RBFOX1: variants seen among roughly 807,000 people sequenced by gnomAD.
RBFOX1 encodes RNA binding protein fox-1 homolog 1.
In RBFOX1, 8 loss-of-function variants were observed where a neutral mutation model predicts 57.7. The observed-to-expected ratio is 0.14, with a 90% CI of 0.08 to 0.25. The LOEUF is 0.25. Ranked by LOEUF, RBFOX1 falls within the 10% of genes least tolerant of loss-of-function variation. RBFOX1 has a pLI of 1.00. For synonymous variants in RBFOX1, 326 were observed against 222.4 expected (o/e 1.47, Z -4.15); for missense variants, 611 against 548.5 (o/e 1.11, Z -1.14).
chr16:7,341,664 C>A (rs2096893306), intron 4 of RBFOX1, among the ~76,000 whole-genome samples: 1 of 151,910 alleles, frequency 6.6e-6, no homozygotes, highest in Non-Finnish European at 1.5e-5. Context: ...TGACAGAGTT[C>A]CTGCTACATT....
intron 4 of RBFOX1, among the ~76,000 whole-genome samples, chr16:6,010,651 A>G (rs537527504): frequency 1.3e-5 from 2 of 152,360 alleles, no homozygotes; most frequent in East Asian, 1.9e-4. Context: ...GCAATGGTGT[A>G]GAAGAACCCT....
At chr16:7,319,319 A>G (rs1261034550) in intron 4 of RBFOX1, among the ~76,000 whole-genome samples, 1 of 152,234 alleles carries the variant, frequency 6.6e-6, no homozygotes, top group Non-Finnish European at 1.5e-5. Context: ...GAATGCTGAC[A>G]TGTTGAGTCC....
At chr16:6,300,795 A>G (rs953581976) in intron 1 of RBFOX1, among the ~76,000 whole-genome samples, 2 of 151,440 alleles carry the variant, frequency 1.3e-5, no homozygotes, top group Non-Finnish European at 2.9e-5. Context: ...CTCCACCACC[A>G]CCTCCCAAGT....
At chr16:5,288,313 A>G (rs368737294) in intron 1 of RBFOX1, among the ~76,000 whole-genome samples, 140 of 152,258 alleles carry the variant, frequency 9.2e-4, no homozygotes, top group Non-Finnish European at 1.1e-3. Context: ...GCTGCTGTTC[A>G]ATTCCTTTGC....
At chr16:5,476,242 A>G (rs139556066) in intron 2 of RBFOX1, among the ~76,000 whole-genome samples, 1 of 152,334 alleles carries the variant, frequency 6.6e-6, no homozygotes, top group African/African-American at 2.4e-5. Context: ...ATCGCAAAAC[A>G]TCATGTCATA....
rs188114380 is a variant in RBFOX1, at chr16:5,412,859, G to C, written c.220-54357G>C. Among the ~76,000 whole-genome samples, 13 of 152,318 alleles carry C rather than the reference G, an allele frequency of 8.5e-5. No individual in the cohort carries two copies. In the East Asian group the frequency reaches 2.5e-3, roughly 29 times the overall value. On this transcript the variant is annotated intron_variant, in intron 1 of 2. Transcript: ENST00000585867. ...TTTTTGGGAAGGATCCAGGAGTCCT[G>C]AGCAGACAACTGTGAGCAAATGCTG...
At chr16:6,385,062 C>A (rs2092149332) in intron 2 of RBFOX1, among the ~76,000 whole-genome samples, 1 of 152,162 alleles carries the variant, frequency 6.6e-6, no homozygotes, top group Non-Finnish European at 1.5e-5. Context: ...AAAGTTTGGT[C>A]TTCCAAAGCT....
chr16:5,990,733 T>C (rs1271972299), intron 4 of RBFOX1, among the ~76,000 whole-genome samples: 1 of 152,180 alleles, frequency 6.6e-6, no homozygotes. Flanking sequence ...TTCAGAAGGC[T>C]GAGGCGGGCA....
chr16:6,819,189 C>T (rs1206040445), intron 3 of RBFOX1, among the ~76,000 whole-genome samples: 5 of 152,148 alleles, frequency 3.3e-5, no homozygotes, highest in Admixed American at 2.6e-4. Context: ...AGTGTCCTAA[C>T]ATTCTGTTTA....
chr16:7,555,727 G>T (rs933801610), intron 5 of RBFOX1, among the ~76,000 whole-genome samples: 2 of 152,018 alleles, frequency 1.3e-5, no homozygotes, highest in Non-Finnish European at 2.9e-5. Context: ...GGCTATTATT[G>T]CCTGAGCTCT....
rs147911916 is a variant in RBFOX1 at position 5,775,862 on chromosome 16, T to C, written c.319-91441T>C. Among the ~76,000 whole-genome samples, 656 of 152,294 alleles carry C rather than the reference T, an allele frequency of 4.3e-3. 6 individuals are homozygous for C. The highest frequency in any genetic ancestry group is 0.015 in the African/African-American group (616 of 41,568). ...ATGCAGGCGTCCATGGGAGAAAGAC[T>C]ATCGGACGAGTCAGGGCCAGACAAT... is the stretch of plus-strand genomic sequence containing the variant. On this transcript the variant is annotated intron_variant, in intron 3 of 19. Coordinates refer to the RBFOX1 transcript ENST00000641259.
At chr16:5,674,347 C>A (rs1353496570) in intron 3 of RBFOX1, among the ~76,000 whole-genome samples, 1 of 152,158 alleles carries the variant, frequency 6.6e-6, no homozygotes. Context: ...TCTCCACTTT[C>A]CTCTACAATG....
chr16:6,810,000 C>T (rs1386323661), intron 3 of RBFOX1, among the ~76,000 whole-genome samples: 1 of 150,042 alleles, frequency 6.7e-6, no homozygotes, highest in Non-Finnish European at 1.5e-5. Flanking sequence ...CTGGGTGTCT[C>T]TCTGAAAAAA....
chr16:6,142,440 C>G (rs1284101764), intron 1 of RBFOX1, among the ~76,000 whole-genome samples: 3 of 151,924 alleles, frequency 2.0e-5, no homozygotes, highest in Admixed American at 6.6e-5. Flanking sequence ...CCAGGATGGT[C>G]TCGATCTCCT....
chr16:5,862,119 A>T (rs1433652024), intron 3 of RBFOX1, among the ~76,000 whole-genome samples: 1 of 152,162 alleles, frequency 6.6e-6, no homozygotes. Flanking sequence ...TCCATAAGTC[A>T]GTTCTATCTA....
intron 3 of RBFOX1, among the ~76,000 whole-genome samples, chr16:6,883,196 A>G (rs771992360): frequency 6.6e-5 from 10 of 152,314 alleles, no homozygotes; most frequent in Non-Finnish European, 1.0e-4. Context: ...GAACCTAAGC[A>G]ATAGAAAGAA....
At chr16:6,983,983 G>A (rs73532921) in intron 3 of RBFOX1, among the ~76,000 whole-genome samples, 7 of 152,142 alleles carry the variant, frequency 4.6e-5, no homozygotes, top group Admixed American at 4.6e-4. Flanking sequence ...AGTGGTGGCT[G>A]AACCCTGTAA....
chr16:6,711,534 G>C (rs1603450461), intron 3 of RBFOX1, among the ~76,000 whole-genome samples: 2 of 152,146 alleles, frequency 1.3e-5, no homozygotes, highest in South Asian at 4.1e-4. Context: ...ACATATGATG[G>C]TTTAAAAGTG....
intron 5 of RBFOX1, among the ~76,000 whole-genome samples, chr16:7,565,380 A>G (rs1423023666): frequency 6.6e-6 from 1 of 152,104 alleles, no homozygotes; most frequent in Admixed American, 6.5e-5. Context: ...CTTTTTTATC[A>G]GGTTTACAAA....
Sources: gnomAD v4.1 joint callset for allele counts (sites outside exome capture counted in the v4.1 genomes callset) on GRCh38, gnomAD v4.1.1 for gene constraint, MANE v1.5 for transcripts, NCBI Gene and HGNC (gene_info 2026-07-23, HGNC 2026-07-21) for gene names.